NR4A3: variants seen among roughly 807,000 people sequenced by gnomAD.
NR4A3 encodes chondrosarcoma, extraskeletal myxoid, fused to EWS.
A neutral mutation model predicts 55.6 loss-of-function variants in NR4A3; 13 were observed. The observed-to-expected ratio is 0.23, with a 90% CI of 0.15 to 0.37. The LOEUF (loss-of-function observed/expected upper bound fraction) is 0.37, where lower values mean the gene tolerates loss of function less well. NR4A3 is among the 10% of genes least tolerant of loss of function. NR4A3 has a pLI of 1.00. For missense variants in NR4A3, 646 were observed against 822.8 expected (o/e 0.79, Z 2.63); for synonymous variants, 342 against 357.9 (o/e 0.96, Z 0.50).
intron 7 of NR4A3, among the ~76,000 whole-genome samples, chr9:99,859,994 C>T (rs1827983283): frequency 6.6e-6 from 1 of 152,146 alleles, no homozygotes; most frequent in Non-Finnish European, 1.5e-5. Context: ...CATTCAAGGG[C>T]TTCACAAAGG....
chr9:99,847,342 C>G, intron 6 of NR4A3, 95 bp from the exon 7 acceptor site: 1 of 1,187,712 alleles, frequency 8.4e-7, no homozygotes, highest in Non-Finnish European at 1.2e-6. Flanking sequence ...CCCAATGCTG[C>G]CCCATGGCTG....
At position 99,828,177 on chromosome 9, in the gene NR4A3, T is replaced by A. The variant is rs768468359; in HGVS notation, c.135T>A (p.Thr45=). 3 of 1,614,054 alleles carry A rather than the reference T, an allele frequency of 1.9e-6. No homozygotes were observed. In the South Asian group the frequency reaches 3.3e-5, roughly 18 times the overall value. Residue 45 remains threonine (T), a synonymous_variant, in exon 3 of 8, where the codon ACT becomes ACA. Transcript: ENST00000395097. The surrounding 1 kb of genome is among the most constrained non-coding windows in gnomAD (Gnocchi z 7.7). Reference sequence around the variant, plus strand: ...AGCTGACCATGGACCTTGGCAGCACTGAGATCACGGCTACAGCCACCACGT... The same window carrying A: ...AGCTGACCATGGACCTTGGCAGCACAGAGATCACGGCTACAGCCACCACGT... ...YTKLTMDLGS[T]EITATATTSL...
chr9:99,828,661 G>A lies in NR4A3; in HGVS notation c.619G>A (p.Gly207Ser), dbSNP rs1172570243. 2.8e-6 allele frequency: 4 copies of A among 1,417,896 alleles called. No individual in the cohort carries two copies. The highest frequency in any genetic ancestry group is 3.7e-6 in the Non-Finnish European group (4 of 1,093,658). The allele number at this position is 1,417,896 out of a possible 1,614,324, so 87.8% of individuals were successfully genotyped here. ...GCATCCCCCCGCGCCCAGCCCGGCCGGCGGCCACCACCTCGGCTACGACCC... is the reference window on the plus strand; with the variant it reads ...GCATCCCCCCGCGCCCAGCCCGGCCAGCGGCCACCACCTCGGCTACGACCC... ...PPHPPAPSPA[G>S]GHHLGYDPTA... The change falls in exon 3 of 8, where the codon GGC becomes AGC. Residue 207 changes from glycine to serine, a missense_variant. Physicochemically the swap from Gly to Ser is moderately conservative, Grantham distance 56. Around this residue, in one of 5 missense-constraint regions of NR4A3, gnomAD observed 426 missense variants for 429.4 expected, o/e 0.99. Coordinates refer to ENST00000395097, the MANE Select transcript of NR4A3 (RefSeq NM_006981.4). This position sits in a 1 kb window ranked among gnomAD's most constrained non-coding sequence, Gnocchi z 7.7.
intron 2 of NR4A3, 65 bp from the exon 3 acceptor site, chr9:99,827,976 C>T (rs1394267689): frequency 1.9e-6 from 3 of 1,546,846 alleles, no homozygotes; most frequent in Non-Finnish European, 2.6e-6. Flanking sequence ...GAACCCAATG[C>T]TGCCTGTTGG....
chr9:99,827,847 T>C (rs1259076501), intron 2 of NR4A3, among the ~76,000 whole-genome samples, 194 bp from the exon 3 acceptor site: 1 of 152,188 alleles, frequency 6.6e-6, no homozygotes, highest in Non-Finnish European at 1.5e-5. Flanking sequence ...GGCACCCCTT[T>C]GTCAGGAATT....
In NR4A3 at chr9:99,828,187, G is replaced by A. The variant is rs769564314; in HGVS notation, c.145G>A (p.Ala49Thr). ...TMDLGSTEIT[A>T]TATTSLPSIS... The stretch of plus-strand genomic sequence containing the variant: ...GGACCTTGGCAGCACTGAGATCACG[G>A]CTACAGCCACCACGTCCCTGCCCAG... Residue 49 changes from alanine (A) to threonine (T), a missense_variant, in exon 3 of 8, where the codon GCT becomes ACT. This residue lies in a region of NR4A3 where 426 missense variants were observed against 429.4 expected (regional missense o/e 0.99). Transcript: ENST00000395097. The surrounding 1 kb of genome is among the most constrained non-coding windows in gnomAD (Gnocchi z 7.7). The A allele has an allele frequency of 6.2e-7, 1 of 1,614,066 alleles. No homozygotes were observed. Among genetic ancestry groups the A allele is most frequent in the South Asian group, 1.1e-5 (1 of 91,074 alleles).
chr9:99,865,635 C>G lies in NR4A3; in HGVS notation c.*1768C>G. The G allele has an allele frequency of 5.2e-6, 1 of 191,470 alleles. No individual in the cohort carries two copies. The highest frequency in any genetic ancestry group is 1.1e-5 in the Non-Finnish European group (1 of 91,200). 11.9% of individuals were successfully genotyped at this position (191,470 alleles called of 1,614,324 possible). ...TTTTGTTAGCTTTAAATCATTTTTGCTTTAGTCTTTTTAAAGGAAAATAAC... is the reference window on the plus strand; with the variant it reads ...TTTTGTTAGCTTTAAATCATTTTTGGTTTAGTCTTTTTAAAGGAAAATAAC... On this transcript the variant is annotated 3_prime_UTR_variant, in exon 8 of 8. Transcript: ENST00000395097. This position sits in a 1 kb window ranked among gnomAD's most constrained non-coding sequence, Gnocchi z 4.3.
chr9:99,848,591 C>T (rs879762258), intron 7 of NR4A3, among the ~76,000 whole-genome samples: 2 of 152,222 alleles, frequency 1.3e-5, no homozygotes, highest in Non-Finnish European at 2.9e-5. Flanking sequence ...TTGATCTACC[C>T]GCCTTGGCAC....
At chr9:99,844,011 AC>A (rs1827708423) in intron 5 of NR4A3, among the ~76,000 whole-genome samples, 2 of 51,098 alleles carry the variant, frequency 3.9e-5, no homozygotes, top group African/African-American at 1.5e-4. Flanking sequence ...CCACCCCCCC[AC>A]CCCCCAGCCT....
At chr9:99,829,989 C>T (rs1337865599) in intron 3 of NR4A3, among the ~76,000 whole-genome samples, 1 of 152,222 alleles carries the variant, frequency 6.6e-6, no homozygotes, top group Non-Finnish European at 1.5e-5. Flanking sequence ...AAAGACCTTG[C>T]TCTTTTGCTG....
intron 7 of NR4A3, among the ~76,000 whole-genome samples, chr9:99,853,598 G>A (rs1827891827): frequency 2.9e-5 from 1 of 34,162 alleles, no homozygotes; most frequent in South Asian, 1.1e-3. Flanking sequence ...TTGTTCTTGC[G>A]ATAGTTTACT....
intron 3 of NR4A3, 40 bp downstream of exon 3, chr9:99,829,033 C>A: frequency 7.7e-7 from 1 of 1,305,934 alleles, no homozygotes; most frequent in Non-Finnish European, 9.7e-7. Flanking sequence ...ACCCAGCCCC[C>A]TCACTGAAGG....
At chr9:99,836,483 C>T (rs1827561716) in intron 5 of NR4A3, among the ~76,000 whole-genome samples, 1 of 152,102 alleles carries the variant, frequency 6.6e-6, no homozygotes, top group Non-Finnish European at 1.5e-5. Flanking sequence ...GACTGTTCTT[C>T]GTGAATTGAG....
In NR4A3 at chr9:99,866,591, T is replaced by C. The variant is rs1828101636; in HGVS notation, c.*2724T>C. 4.4e-6 allele frequency: 1 copy of C among 228,328 alleles called. No individual in the cohort carries two copies. Among genetic ancestry groups the C allele is most frequent in the Admixed American group, 5.7e-5 (1 of 17,604 alleles). The allele number at this position is 228,328 out of a possible 1,614,324, so 14.1% of individuals were successfully genotyped here. ...TTTGTCTTAATGTTGCACATAAGTTTATACAGAGTGGATGACCACACTAGC... is the reference window on the plus strand; with the variant it reads ...TTTGTCTTAATGTTGCACATAAGTTCATACAGAGTGGATGACCACACTAGC... On this transcript the variant is annotated 3_prime_UTR_variant, in exon 8 of 8. Coordinates refer to ENST00000395097, the MANE Select transcript of NR4A3 (RefSeq NM_006981.4).
At chr9:99,843,272 G>C (rs1392009455) in intron 5 of NR4A3, among the ~76,000 whole-genome samples, 1 of 152,168 alleles carries the variant, frequency 6.6e-6, no homozygotes, top group Non-Finnish European at 1.5e-5. Context: ...CTTGAAATAT[G>C]GCTAACATGA....
intron 3 of NR4A3, among the ~76,000 whole-genome samples, chr9:99,829,407 G>C (rs1051811359): frequency 6.6e-6 from 1 of 152,216 alleles, no homozygotes; most frequent in Non-Finnish European, 1.5e-5. Context: ...AGTAAGAGCT[G>C]GGGCTCTAGA....
intron 7 of NR4A3, among the ~76,000 whole-genome samples, chr9:99,858,977 T>G (rs1367980034): frequency 6.6e-6 from 1 of 152,216 alleles, no homozygotes; most frequent in Non-Finnish European, 1.5e-5. Context: ...TAGATAGAAA[T>G]TTGAACTAAA....
intron 7 of NR4A3, among the ~76,000 whole-genome samples, chr9:99,858,737 C>T (rs1827966529): frequency 6.6e-6 from 1 of 152,162 alleles, no homozygotes; most frequent in Admixed American, 6.6e-5. Flanking sequence ...TGACTATGGG[C>T]AAGTCACTTA....
In NR4A3 at chr9:99,822,185, C is replaced by T. The variant is rs1289192513; in HGVS notation, c.-399C>T. Reference sequence around the variant, plus strand: ...GTGGGAACAGCGGCGGCATCCTCCCCCCTGGTCACAGCCCAAGCCAGGACG... The same window carrying T: ...GTGGGAACAGCGGCGGCATCCTCCCTCCTGGTCACAGCCCAAGCCAGGACG... On this transcript the variant is annotated 5_prime_UTR_variant, in exon 1 of 8. Transcript: ENST00000395097. This position sits in a 1 kb window ranked among gnomAD's most constrained non-coding sequence, Gnocchi z 4.9. 1 of 152,562 alleles carries T rather than the reference C, an allele frequency of 6.6e-6. No homozygotes were observed. Among genetic ancestry groups the T allele is most frequent in the Non-Finnish European group, 1.5e-5 (1 of 68,122 alleles). 9.5% of individuals were successfully genotyped at this position (152,562 alleles called of 1,614,324 possible). A position where few individuals can be genotyped will look rare whatever the true frequency, so the allele number is the denominator to read the frequency against.
Sources: gnomAD v4.1 joint callset for allele counts (sites outside exome capture counted in the v4.1 genomes callset) on GRCh38, gnomAD v4.1.1 for gene constraint, gnomAD v4.1.1 regional missense constraint, Gnocchi (gnomAD v3.1) non-coding constraint, MANE v1.5 for transcripts, NCBI Gene and HGNC (gene_info 2026-07-23, HGNC 2026-07-21) for gene names.